Variants in NLN observed in about 807,000 individuals in gnomAD.
NLN encodes neurolysin, mitochondrial.
NLN carries 64 observed loss-of-function variants against 79.9 expected under a neutral mutation model. That is an observed-to-expected ratio of 0.80 (90% CI 0.65 to 0.99). The LOEUF is 0.99. Ranked by LOEUF, NLN falls within the 50% of genes least tolerant of loss-of-function variation. The pLI is 0.00. For synonymous variants in NLN, 267 were observed against 296.6 expected, an observed-to-expected ratio of 0.90 and a Z score of 1.02; for missense variants, 835 against 858.7, an observed-to-expected ratio of 0.97 and a Z score of 0.34.
At chr5:65,806,762 A>G (rs1016496323) in intron 9 of NLN, among the ~76,000 whole-genome samples, 11 of 152,210 alleles carry the variant, frequency 7.2e-5, no homozygotes, top group Non-Finnish European at 1.6e-4. Context: ...ATTGACTCCA[A>G]TTTTGAAAGA....
chr5:65,783,265 A>T (rs1351608882), intron 6 of NLN, among the ~76,000 whole-genome samples: 1 of 152,202 alleles, frequency 6.6e-6, no homozygotes, highest in Non-Finnish European at 1.5e-5. Flanking sequence ...GTTGAATTTT[A>T]CATGGCTAAA....
chr5:65,788,013 T>C, intron 7 of NLN, 105 bp from the exon 8 acceptor site: 1 of 1,089,860 alleles, frequency 9.2e-7, no homozygotes, highest in East Asian at 2.4e-5. Flanking sequence ...TTATCTGTAT[T>C]GAGTACTGCA....
At chr5:65,773,048 G>C (rs1457289546) in intron 3 of NLN, among the ~76,000 whole-genome samples, 2 of 150,984 alleles carry the variant, frequency 1.3e-5, no homozygotes, top group Non-Finnish European at 2.9e-5. Flanking sequence ...AACCACCTGG[G>C]CTCAAGTGAT....
intron 1 of NLN, among the ~76,000 whole-genome samples, chr5:65,751,345 T>C (rs912819671): frequency 6.6e-6 from 1 of 152,204 alleles, no homozygotes; most frequent in African/African-American, 2.4e-5. Flanking sequence ...GAATGTTTAC[T>C]TGTGATGATG....
intron 1 of NLN, among the ~76,000 whole-genome samples, chr5:65,727,042 CAGCCAA>C (rs1758489340): frequency 1.3e-5 from 2 of 152,214 alleles, no homozygotes; most frequent in African/African-American, 4.8e-5. Flanking sequence ...TTGGGGTGTT[CAGCCAA>C]CTTCTTGGGA....
intron 12 of NLN, among the ~76,000 whole-genome samples, chr5:65,818,071 T>C (rs960020420): frequency 6.6e-6 from 1 of 152,254 alleles, no homozygotes; most frequent in East Asian, 1.9e-4. Context: ...GGAATTCGAA[T>C]TGATTTCCAA....
rs1351158624 is a variant in NLN, at chr5:65,825,956, A to C, written c.*3041A>C. The C allele has an allele frequency of 1.3e-5, 2 of 152,216 alleles. No homozygotes were observed. Among genetic ancestry groups the C allele is most frequent in the Non-Finnish European group, 2.9e-5 (2 of 68,032 alleles). The allele number at this position is 152,216 out of a possible 1,614,324, so 9.4% of individuals were successfully genotyped here. On this transcript the variant is annotated 3_prime_UTR_variant, in exon 13 of 13. Transcript: ENST00000380985. ...TTTACATTAAAATTTACATTAAAAT[A>C]CCATCATACTTCAGGCTTCTATAAC...
At position 65,827,882 on chromosome 5, in the gene NLN, T is replaced by G. The variant is rs147191075; in HGVS notation, c.*4967T>G. On this transcript the variant is annotated 3_prime_UTR_variant, in exon 13 of 13. Coordinates refer to ENST00000380985, the MANE Select transcript of NLN (RefSeq NM_020726.5). The stretch of plus-strand genomic sequence containing the variant: ...GAATACAAAAATTAGCCAGGTGTTG[T>G]GGCACATGCCTGTACTCCCAGCTAC... 1 of 152,314 alleles carries G rather than the reference T, an allele frequency of 6.6e-6. No individual in the cohort carries two copies. Among genetic ancestry groups the G allele is most frequent in the African/African-American group, 2.4e-5 (1 of 41,566 alleles). The allele number at this position is 152,314 out of a possible 1,614,324, so 9.4% of individuals were successfully genotyped here.
intron 8 of NLN, among the ~76,000 whole-genome samples, chr5:65,789,606 G>T (rs1561203443): frequency 6.6e-6 from 1 of 152,110 alleles, no homozygotes; most frequent in Non-Finnish European, 1.5e-5. Flanking sequence ...GTGAAACCCT[G>T]TCTCTACTAA....
At position 65,788,131 on chromosome 5, in the gene NLN, G is replaced by T; in HGVS notation, c.972G>T (p.Gln324His). Residue 324 changes from glutamine (Q) to histidine (H), a missense_variant, in exon 8 of 13, where the codon CAG becomes CAT. Physicochemically the swap from Gln to His is conservative, Grantham distance 24. Transcript: ENST00000380985. The part of the protein sequence containing the change: ...RVTAFLDDLS[Q>H]KLKPLGEAER... ...TTTTCCTTACAGATGATTTAAGCCA[G>T]AAGTTAAAACCCTTGGGTGAAGCAG... 1.2e-6 allele frequency: 2 copies of T among 1,612,614 alleles called. No homozygotes were observed. The highest frequency in any genetic ancestry group is 1.7e-6 in the Non-Finnish European group (2 of 1,179,544).
At chr5:65,728,112 G>A (rs1010362950) in intron 1 of NLN, among the ~76,000 whole-genome samples, 59 of 152,092 alleles carry the variant, frequency 3.9e-4, no homozygotes, top group Non-Finnish European at 2.6e-4. Flanking sequence ...AGCAATGCGT[G>A]TTCATTATTG....
Position 65,779,064 on chromosome 5 carries a change from G to T in NLN, c.559-1115G>T, listed in dbSNP as rs931986066. Among the ~76,000 whole-genome samples, 4 of 152,166 alleles carry T rather than the reference G, an allele frequency of 2.6e-5. No homozygotes were observed. The East Asian group carries it at 7.7e-4, about 29-fold the overall frequency. Reference sequence around the variant, plus strand: ...ATGGGCGCTGCAAAGTGGGGCAGAGGTAGAAAGGGGGTTGAGGGAGAGTAT... The same window carrying T: ...ATGGGCGCTGCAAAGTGGGGCAGAGTTAGAAAGGGGGTTGAGGGAGAGTAT... On this transcript the variant is annotated intron_variant, in intron 4 of 12. Transcript: ENST00000380985.
intron 9 of NLN, among the ~76,000 whole-genome samples, chr5:65,807,739 A>G (rs976245682): frequency 1.6e-4 from 25 of 152,290 alleles, no homozygotes; most frequent in African/African-American, 5.1e-4. Flanking sequence ...CGCACCAGCC[A>G]TGTACATTGT....
chr5:65,788,520 G>A (rs1759987052), intron 8 of NLN, 36 bp downstream of exon 8: 1 of 1,588,592 alleles, frequency 6.3e-7, no homozygotes, highest in Admixed American at 1.7e-5. Flanking sequence ...GGACCTTAGG[G>A]ATTCAGCTAT....
intron 6 of NLN, among the ~76,000 whole-genome samples, chr5:65,782,072 T>C (rs1043706306): frequency 1.3e-5 from 2 of 152,248 alleles, no homozygotes; most frequent in African/African-American, 4.8e-5. Flanking sequence ...AGCAAGCTCA[T>C]AGCAATTTTC....
At chr5:65,754,121 C>T (rs1759164410) in intron 1 of NLN, among the ~76,000 whole-genome samples, 3 of 152,112 alleles carry the variant, frequency 2.0e-5, no homozygotes, top group Non-Finnish European at 4.4e-5. Context: ...ATATAAAACC[C>T]CATTCTAACT....
chr5:65,822,704 C>T (rs1760828286), intron 12 of NLN, 77 bp from the exon 13 acceptor site: 1 of 1,085,556 alleles, frequency 9.2e-7, no homozygotes, highest in Admixed American at 1.7e-5. Context: ...CACCCCTACC[C>T]TCTCCTCTTT....
intron 1 of NLN, among the ~76,000 whole-genome samples, chr5:65,736,883 T>G (rs1758739103): frequency 6.6e-6 from 1 of 152,172 alleles, no homozygotes; most frequent in African/African-American, 2.4e-5. Context: ...AGAGCATTAC[T>G]TAAGCCCGGA....
chr5:65,797,789 T>C (rs1760202376), intron 9 of NLN, among the ~76,000 whole-genome samples: 1 of 152,206 alleles, frequency 6.6e-6, no homozygotes, highest in South Asian at 2.1e-4. Flanking sequence ...AAAAAGACCA[T>C]CTGCCCTGAG....
Sources: allele counts gnomAD v4.1 joint callset (sites outside exome capture counted in the v4.1 genomes callset), GRCh38; gene constraint gnomAD v4.1.1; transcripts MANE v1.5; gene names NCBI Gene and HGNC (gene_info 2026-07-23, HGNC 2026-07-21).